Variants in IGSF21 observed in about 807,000 individuals in gnomAD.
IGSF21 encodes immunoglobin superfamily member 21.
A neutral mutation model predicts 46.8 loss-of-function variants in IGSF21; 28 were observed. That is an observed-to-expected ratio of 0.60 (90% CI 0.44 to 0.82). The LOEUF (loss-of-function observed/expected upper bound fraction) is 0.82. Among genes scored for constraint, IGSF21 ranks in the 40% least tolerant of loss-of-function variants. IGSF21 has a pLI of 0.00. For missense variants in IGSF21, 624 were observed against 665.5 expected, an observed-to-expected ratio of 0.94 and a Z score of 0.69; for synonymous variants, 284 against 273.6, an observed-to-expected ratio of 1.04 and a Z score of -0.38.
chr1:18,378,308 G>A lies in IGSF21; in HGVS notation c.1386G>A (p.Val462=). ...TCACCTTGGTGCTCGCCCTGACAGTGATTCTGGAGCTGACGTGAAGGCACC... is the reference window on the plus strand; with the variant it reads ...TCACCTTGGTGCTCGCCCTGACAGTAATTCTGGAGCTGACGTGAAGGCACC... The part of the protein sequence containing the change: ...ARLTLVLALT[V]ILELT Residue 462 remains valine, a synonymous_variant, in exon 10 of 10, where the codon GTG becomes GTA. Coordinates refer to ENST00000251296, the MANE Select transcript of IGSF21 (RefSeq NM_032880.5). 6.2e-7 allele frequency: 1 copy of A among 1,613,916 alleles called. No individual in the cohort carries two copies. The highest frequency in any genetic ancestry group is 8.5e-7 in the Non-Finnish European group (1 of 1,179,918).
At chr1:18,132,867 G>A (rs544496605) in intron 1 of IGSF21, among the ~76,000 whole-genome samples, 225 of 148,256 alleles carry the variant, frequency 1.5e-3, no homozygotes, top group African/African-American at 3.9e-3. Context: ...TGTACTGGGC[G>A]GGGTCTGGCC....
At chr1:18,261,892 T>A (rs1019636354) in intron 2 of IGSF21, among the ~76,000 whole-genome samples, 1 of 152,172 alleles carries the variant, frequency 6.6e-6, no homozygotes, top group African/African-American at 2.4e-5. Flanking sequence ...GGAGTGTGGA[T>A]GTGAACCAGC....
At chr1:18,132,747 G>T (rs774831544) in intron 1 of IGSF21, among the ~76,000 whole-genome samples, 2 of 152,062 alleles carry the variant, frequency 1.3e-5, no homozygotes, top group Non-Finnish European at 2.9e-5. Context: ...AGGGGGTGGG[G>T]GACCGCTGCT....
At chr1:18,130,920 C>T (rs1381451499) in intron 1 of IGSF21, among the ~76,000 whole-genome samples, 4 of 152,228 alleles carry the variant, frequency 2.6e-5, no homozygotes, top group Non-Finnish European at 5.9e-5. Context: ...CTGGAGAATA[C>T]AGCTCTCACA....
At chr1:18,331,051 C>T (rs908224889) in intron 3 of IGSF21, among the ~76,000 whole-genome samples, 1 of 152,166 alleles carries the variant, frequency 6.6e-6, no homozygotes, top group Non-Finnish European at 1.5e-5. Flanking sequence ...ATTGATATTG[C>T]TGTTTCATAT....
chr1:18,313,815 G>A lies in IGSF21; in HGVS notation c.306-21077G>A, dbSNP rs574131785. Among the ~76,000 whole-genome samples, 105 of 152,196 alleles carry A rather than the reference G, an allele frequency of 6.9e-4. 1 individual carries two copies. The highest frequency in any genetic ancestry group is 2.8e-4 in the Non-Finnish European group (19 of 68,042). ...TATTTAGAACTGGCCTGCACTCTGG[G>A]CCACTGCGCTCTCTCACCTTTCAGA... On this transcript the variant is annotated intron_variant, in intron 3 of 9. Transcript: ENST00000251296.
At chr1:18,266,848 A>G (rs1341310) in intron 2 of IGSF21, among the ~76,000 whole-genome samples, 2,606 of 152,358 alleles carry the variant, frequency 0.017, 47 homozygotes, top group Non-Finnish European at 0.027. Flanking sequence ...TATGTCCTGC[A>G]GGGAGACAAG....
intron 3 of IGSF21, among the ~76,000 whole-genome samples, chr1:18,307,612 G>A (rs1036819591): frequency 5.9e-5 from 9 of 152,222 alleles, no homozygotes; most frequent in African/African-American, 1.7e-4. Flanking sequence ...GCTGTCCATC[G>A]CTGCCCTGTG....
intron 4 of IGSF21, among the ~76,000 whole-genome samples, chr1:18,346,486 C>T (rs570163663): frequency 6.6e-6 from 1 of 152,162 alleles, no homozygotes; most frequent in East Asian, 1.9e-4. Context: ...CGATAGGAGC[C>T]AACTTAGGAC....
At chr1:18,153,592 G>A (rs1169681690) in intron 1 of IGSF21, among the ~76,000 whole-genome samples, 1 of 152,204 alleles carries the variant, frequency 6.6e-6, no homozygotes. Flanking sequence ...GGTGCCGAAG[G>A]TGAATTTTCT....
intron 1 of IGSF21, among the ~76,000 whole-genome samples, chr1:18,157,066 G>A (rs1281030072): frequency 6.6e-6 from 1 of 152,118 alleles, no homozygotes; most frequent in Admixed American, 6.5e-5. Flanking sequence ...GGAGTTTGCA[G>A]AGAGCCGAGA....
At chr1:18,282,673 A>ACACACACACAC (rs2085173701) in intron 2 of IGSF21, among the ~76,000 whole-genome samples, 1 of 117,946 alleles carries the variant, frequency 8.5e-6, no homozygotes, top group African/African-American at 3.3e-5. Flanking sequence ...CACACACACA[A>ACACACACACAC]ACACACACCC....
intron 2 of IGSF21, among the ~76,000 whole-genome samples, chr1:18,282,321 C>G (rs1334229911): frequency 6.6e-6 from 1 of 152,150 alleles, no homozygotes; most frequent in Non-Finnish European, 1.5e-5. Context: ...CATTTTCAAA[C>G]CCCACCCCCA....
intron 1 of IGSF21, among the ~76,000 whole-genome samples, chr1:18,179,628 G>A (rs186088283): frequency 1.2e-3 from 177 of 152,084 alleles, no homozygotes; most frequent in African/African-American, 3.5e-3. Context: ...TGATGGAGGC[G>A]GCAACTCTCT....
chr1:18,290,151 A>T lies in IGSF21; in HGVS notation c.184-1715A>T, dbSNP rs1166668620. Reference sequence around the variant, plus strand: ...TTTCTTGGGGTGAGTGCCAGCAGGGATCCCAAGAGGAGAGGAGAATCCTCC... The same window carrying T: ...TTTCTTGGGGTGAGTGCCAGCAGGGTTCCCAAGAGGAGAGGAGAATCCTCC... On this transcript the variant is annotated intron_variant, in intron 2 of 9. Transcript: ENST00000251296. The surrounding 1 kb of genome is among the most constrained non-coding windows in gnomAD (Gnocchi z 4.2). Among the ~76,000 whole-genome samples the T allele has an allele frequency of 1.3e-5, 2 of 152,108 alleles. No homozygotes were observed. The highest frequency in any genetic ancestry group is 1.5e-5 in the Non-Finnish European group (1 of 68,032).
chr1:18,177,401 G>GGGGAGGGGGTCAGTGAGGTA (rs59182805), intron 1 of IGSF21, among the ~76,000 whole-genome samples: 1 of 97,956 alleles, frequency 1.0e-5, no homozygotes, highest in African/African-American at 3.2e-5. Context: ...AGGTGTGTGT[G>GGGGAGGGGGTCAGTGAGGTA]TGTGTGTGTG....
rs116803257 is a variant in IGSF21, at chr1:18,308,131, A to G, written c.305+16144A>G. On this transcript the variant is annotated intron_variant, in intron 3 of 9. Transcript: ENST00000251296. The stretch of plus-strand genomic sequence containing the variant: ...TCTGTGGCTCCTGGAGGGAGGGGCC[A>G]TGTCCACATCTCCCTCATCACCGCC... Among the ~76,000 whole-genome samples the G allele has an allele frequency of 8.5e-3, 1,293 of 152,146 alleles. 20 individuals carry two copies. The highest frequency in any genetic ancestry group is 0.03 in the African/African-American group (1,247 of 41,506).
At chr1:18,240,472 A>G (rs1002609982) in intron 2 of IGSF21, among the ~76,000 whole-genome samples, 2 of 152,188 alleles carry the variant, frequency 1.3e-5, no homozygotes, top group Admixed American at 6.5e-5. Flanking sequence ...ATAGTAGGAG[A>G]TGAACTGTAA....
At chr1:18,349,089 C>A (rs2085924097) in intron 4 of IGSF21, among the ~76,000 whole-genome samples, 1 of 152,170 alleles carries the variant, frequency 6.6e-6, no homozygotes, top group African/African-American at 2.4e-5. Context: ...TGGTTTAATT[C>A]TCATAACAGC....
Sources: allele counts gnomAD v4.1 joint callset (sites outside exome capture counted in the v4.1 genomes callset), GRCh38; gene constraint gnomAD v4.1.1; non-coding constraint Gnocchi (gnomAD v3.1); transcripts MANE v1.5; gene names NCBI Gene and HGNC (gene_info 2026-07-23, HGNC 2026-07-21).